GUCY1A1: variants seen among roughly 807,000 people sequenced by gnomAD.
GUCY1A1 encodes the protein guanylate cyclase soluble subunit alpha-1.
Under a neutral mutation model 64.5 loss-of-function variants are expected in GUCY1A1, and 48 were observed. The observed-to-expected ratio is 0.74, with a 90% CI of 0.59 to 0.95. The LOEUF (loss-of-function observed/expected upper bound fraction) is 0.95. Among genes scored for constraint, GUCY1A1 ranks in the 40% least tolerant of loss-of-function variants. GUCY1A1 has a pLI of 0.00. For missense variants in GUCY1A1, 804 were observed against 825.3 expected (o/e 0.97, Z 0.32); for synonymous variants, 308 against 303.4 (o/e 1.02, Z -0.16).
At chr4:155,708,429 A>C (rs1732094604) in intron 5 of GUCY1A1, 135 bp downstream of exon 5, 1 of 549,428 alleles carries the variant, frequency 1.8e-6, no homozygotes, top group Non-Finnish European at 3.4e-6. Flanking sequence ...TGTTAACGTA[A>C]AGAGTAACTC....
chr4:155,700,339 G>A (rs914365554), intron 3 of GUCY1A1, among the ~76,000 whole-genome samples: 3 of 152,128 alleles, frequency 2.0e-5, no homozygotes, highest in Admixed American at 2.0e-4. Context: ...ATATTAGGTT[G>A]AAAGAAGAAA....
At chr4:155,671,968 G>C (rs1057028430) in intron 2 of GUCY1A1, among the ~76,000 whole-genome samples, 1 of 151,344 alleles carries the variant, frequency 6.6e-6, no homozygotes, top group African/African-American at 2.4e-5. Context: ...ATCTTCTCTG[G>C]ATATCATGTA....
intron 5 of GUCY1A1, among the ~76,000 whole-genome samples, chr4:155,708,809 C>T (rs775848690): frequency 1.6e-4 from 25 of 152,030 alleles, no homozygotes; most frequent in Non-Finnish European, 2.4e-4. Flanking sequence ...TAATGACTAA[C>T]GTATATTGAG....
intron 3 of GUCY1A1, among the ~76,000 whole-genome samples, chr4:155,703,074 A>T (rs1731303871): frequency 6.6e-6 from 1 of 151,960 alleles, no homozygotes; most frequent in Non-Finnish European, 1.5e-5. Context: ...AAAATGGACA[A>T]CACTGCTTAT....
At chr4:155,670,988 T>C (rs1734075870) in intron 2 of GUCY1A1, among the ~76,000 whole-genome samples, 1 of 152,164 alleles carries the variant, frequency 6.6e-6, no homozygotes, top group Non-Finnish European at 1.5e-5. Context: ...CTATGTCACA[T>C]GACATTGAAA....
At chr4:155,715,584 T>C (rs1733127441) in intron 7 of GUCY1A1, among the ~76,000 whole-genome samples, 1 of 152,162 alleles carries the variant, frequency 6.6e-6, no homozygotes, top group African/African-American at 2.4e-5. Flanking sequence ...GACGAAGGGA[T>C]GCAGTATGCA....
At chr4:155,709,551 T>G (rs1230574374) in intron 5 of GUCY1A1, among the ~76,000 whole-genome samples, 1 of 152,108 alleles carries the variant, frequency 6.6e-6, no homozygotes, top group Non-Finnish European at 1.5e-5. Context: ...AACTGCCTCT[T>G]GGCAAGGCAT....
intron 8 of GUCY1A1, among the ~76,000 whole-genome samples, chr4:155,721,338 T>G (rs1308544554): frequency 6.6e-6 from 1 of 152,114 alleles, no homozygotes; most frequent in Non-Finnish European, 1.5e-5. Flanking sequence ...ATTCCTAAAA[T>G]TTTGCCACAA....
Position 155,675,114 on chromosome 4 carries a change from G to A in GUCY1A1, c.-113+7695G>A, listed in dbSNP as rs574469173. The stretch of plus-strand genomic sequence containing the variant: ...TGACAGAAACATTGTTATTTGGCAC[G>A]TGACAGTATATGCACTGGAATTTTT... On this transcript the variant is annotated intron_variant, in intron 2 of 9. Transcript: ENST00000506455. Among the ~76,000 whole-genome samples the A allele has an allele frequency of 7.9e-4, 120 of 151,652 alleles. 2 individuals are homozygous for A. The highest frequency in any genetic ancestry group is 2.3e-3 in the African/African-American group (95 of 40,950).
At position 155,704,091 on chromosome 4, in the gene GUCY1A1, A is replaced by G. The variant is rs72972418; in HGVS notation, c.317+98A>G. The G allele has an allele frequency of 9.3e-3, 6,579 of 706,142 alleles. 325 individuals are homozygous for G. The African/African-American group carries it at 0.1, about 11-fold the overall frequency. 43.7% of individuals were successfully genotyped at this position (706,142 alleles called of 1,614,324 possible). A position where few individuals can be genotyped will look rare whatever the true frequency, so the allele number is the denominator to read the frequency against. On this transcript the variant is annotated intron_variant, in intron 4 of 9. Coordinates refer to ENST00000506455, the MANE Select transcript of GUCY1A1 (RefSeq NM_001130682.3). ...ACTGAATGTGTCAGCCCTTTATTGA[A>G]TCATTGTGGTATGTCAGAAACTGGA...
intron 2 of GUCY1A1, among the ~76,000 whole-genome samples, chr4:155,686,052 T>G (rs1363468915): frequency 6.6e-6 from 1 of 152,212 alleles, no homozygotes; most frequent in Non-Finnish European, 1.5e-5. Flanking sequence ...TCTCTTACTT[T>G]AACTGGACTC....
rs2126664410 is a variant in GUCY1A1, at chr4:155,687,755, A to C, written c.-112-9001A>C. On this transcript the variant is annotated intron_variant, in intron 2 of 9. Coordinates refer to ENST00000506455, the MANE Select transcript of GUCY1A1 (RefSeq NM_001130682.3). The stretch of plus-strand genomic sequence containing the variant: ...TTAGCACATGGTAGACGCAGGGAGC[A>C]AACACAGGCCATCTGTTCATGTAGC... 1.3e-5 allele frequency among the ~76,000 whole-genome samples: 2 copies of C among 152,302 alleles called. 1 individual carries two copies. Among genetic ancestry groups the C allele is most frequent in the East Asian group, 3.9e-4 (2 of 5,176 alleles).
chr4:155,693,634 G>A (rs1189547785), intron 2 of GUCY1A1, among the ~76,000 whole-genome samples: 1 of 152,122 alleles, frequency 6.6e-6, no homozygotes, highest in Non-Finnish European at 1.5e-5. Context: ...ATGCTAATTA[G>A]TTTGTTTATA....
At chr4:155,727,837 C>T (rs1283490601) in intron 9 of GUCY1A1, among the ~76,000 whole-genome samples, 1 of 151,738 alleles carries the variant, frequency 6.6e-6, no homozygotes, top group Non-Finnish European at 1.5e-5. Context: ...TACATGGTCC[C>T]TGTTACACGC....
chr4:155,733,984 G>C lies in GUCY1A1; in HGVS notation c.*3753G>C, dbSNP rs1203279332. Among the ~76,000 whole-genome samples, 1 of 151,852 alleles carries C rather than the reference G, an allele frequency of 6.6e-6. No individual in the cohort carries two copies. Among genetic ancestry groups the C allele is most frequent in the East Asian group, 1.9e-4 (1 of 5,144 alleles). On this transcript the variant is annotated 3_prime_UTR_variant, in exon 10 of 10. Transcript: ENST00000506455. ...CATTGGAATTTTATGTCACTCTCAA[G>C]GCTAATTAGTCTTTCAGATCCTTTG...
chr4:155,708,338 G>A, intron 5 of GUCY1A1, 44 bp downstream of exon 5: 1 of 965,164 alleles, frequency 1.0e-6, no homozygotes, highest in Non-Finnish European at 1.6e-6. Context: ...CCATATACCT[G>A]TAGAACTCAC....
At chr4:155,695,124 A>G (rs1730250311) in intron 2 of GUCY1A1, among the ~76,000 whole-genome samples, 1 of 152,206 alleles carries the variant, frequency 6.6e-6, no homozygotes, top group Admixed American at 6.5e-5. Flanking sequence ...TAGGTAACAG[A>G]GCCTTGGCAG....
In GUCY1A1 at chr4:155,731,385, A is replaced by G. The variant is rs1735527997; in HGVS notation, c.*1154A>G. On this transcript the variant is annotated 3_prime_UTR_variant, in exon 10 of 10. Transcript: ENST00000506455. Reference sequence around the variant, plus strand: ...TTTTTGTCTCATTAAATATACATATATGAAGTGTTTTTATTCTACTTGAAA... The same window carrying G: ...TTTTTGTCTCATTAAATATACATATGTGAAGTGTTTTTATTCTACTTGAAA... 1 of 150,714 alleles carries G rather than the reference A, an allele frequency of 6.6e-6. No individual in the cohort carries two copies. Among genetic ancestry groups the G allele is most frequent in the Admixed American group, 6.7e-5 (1 of 15,016 alleles). 9.3% of individuals were successfully genotyped at this position (150,714 alleles called of 1,614,324 possible).
chr4:155,724,080 C>T (rs1228313089), intron 9 of GUCY1A1, among the ~76,000 whole-genome samples: 1 of 152,128 alleles, frequency 6.6e-6, no homozygotes, highest in South Asian at 2.1e-4. Flanking sequence ...CATCTTTGTG[C>T]TGTAGGTTCT....
Sources: gnomAD v4.1 joint callset for allele counts (sites outside exome capture counted in the v4.1 genomes callset) on GRCh38, gnomAD v4.1.1 for gene constraint, MANE v1.5 for transcripts, NCBI Gene and HGNC (gene_info 2026-07-23, HGNC 2026-07-21) for gene names.